PADI2: variants seen among roughly 807,000 people sequenced by gnomAD.
PADI2 encodes peptidyl arginine deiminase 2.
Under a neutral mutation model 81.1 loss-of-function variants are expected in PADI2, and 70 were observed. The ratio of observed to expected loss-of-function variants is 0.86; its 90% CI spans 0.71 to 1.05. PADI2 has a LOEUF of 1.05. Among genes scored for constraint, PADI2 ranks in the 50% least tolerant of loss-of-function variants. The pLI is 0.00. For missense variants in PADI2, 853 were observed against 889.9 expected (o/e 0.96, Z 0.53); for synonymous variants, 338 against 358.0 (o/e 0.94, Z 0.63).
rs764725762 is a variant in PADI2 at position 17,092,474 on chromosome 1, C to T, written c.589G>A (p.Gly197Arg). ...GAAATGTACAGAACTATCTCGTATCCGGCGGGGAGGCGGTCGGGGCCTTTG... is the reference window on the plus strand; with the variant it reads ...GAAATGTACAGAACTATCTCGTATCTGGCGGGGAGGCGGTCGGGGCCTTTG... ...RTKGPDRLPA[G>R]YEIVLYISMS... The change falls in exon 6 of 16, where the codon GGA becomes AGA. Residue 197 changes from glycine (G) to arginine (R), a missense_variant. By Grantham distance (125) the Gly-to-Arg change is moderately radical (BLOSUM62 -2). Coordinates refer to ENST00000375486, the MANE Select transcript of PADI2 (RefSeq NM_007365.3). The T allele has an allele frequency of 1.3e-5, 21 of 1,604,630 alleles. No homozygotes were observed. Among genetic ancestry groups the T allele is most frequent in the East Asian group, 2.3e-5 (1 of 44,304 alleles).
At chr1:17,082,049 G>T (rs577062708) in intron 10 of PADI2, among the ~76,000 whole-genome samples, 8 of 152,254 alleles carry the variant, frequency 5.3e-5, no homozygotes, top group African/African-American at 1.9e-4. Context: ...GGAGATGGAA[G>T]TTGCAGTGAG....
intron 3 of PADI2, among the ~76,000 whole-genome samples, chr1:17,100,441 T>C (rs1028258859): frequency 2.8e-5 from 4 of 145,434 alleles, no homozygotes; most frequent in Non-Finnish European, 4.6e-5. Flanking sequence ...TCCACCACCA[T>C]GCCCGGCTAG....
chr1:17,080,906 G>A (rs2078339325), intron 10 of PADI2, among the ~76,000 whole-genome samples: 1 of 152,242 alleles, frequency 6.6e-6, no homozygotes, highest in South Asian at 2.1e-4. Context: ...AGCCCATGGG[G>A]TAGATGGCAG....
At position 17,114,200 on chromosome 1, in the gene PADI2, G is replaced by A. The variant is rs940434578; in HGVS notation, c.92+5080C>T. Among the ~76,000 whole-genome samples the A allele has an allele frequency of 4.6e-5, 7 of 152,226 alleles. No homozygotes were observed. The East Asian group carries it at 9.6e-4, about 21-fold the overall frequency. On this transcript the variant is annotated intron_variant, in intron 1 of 15. Transcript: ENST00000375486. Reference sequence around the variant, plus strand: ...TTGACCTTCCACAGGCCCATCCAACGGTGCCTGTCCCTTGAGGCTGGGGGT... The same window carrying A: ...TTGACCTTCCACAGGCCCATCCAACAGTGCCTGTCCCTTGAGGCTGGGGGT...
chr1:17,082,584 T>C lies in PADI2; in HGVS notation c.1119A>G (p.Arg373=), dbSNP rs754585392. ...CAGGGAAGTCCTTTAGGTTTCCATC[T>C]CGGGGAGAGTCCAGCACCACGGGGA... ...KGFPVVLDSP[R]DGNLKDFPVK... The change falls in exon 10 of 16, where the codon CGA becomes CGG. Residue 373 remains arginine, a synonymous_variant. Coordinates refer to ENST00000375486, the MANE Select transcript of PADI2 (RefSeq NM_007365.3). 6.2e-7 allele frequency: 1 copy of C among 1,613,690 alleles called. No individual in the cohort carries two copies. The highest frequency in any genetic ancestry group is 8.5e-7 in the Non-Finnish European group (1 of 1,179,782).
chr1:17,083,092 T>G (rs2078357608), intron 9 of PADI2: 1 of 158,480 alleles, frequency 6.3e-6, no homozygotes, highest in Non-Finnish European at 1.4e-5. Flanking sequence ...AAGCATGTCT[T>G]GAATTCCTGT....
rs1246364970 is a variant in PADI2 at position 17,068,802 on chromosome 1, G to A, written c.*242C>T. 2.5e-5 allele frequency: 14 copies of A among 565,328 alleles called. No individual in the cohort carries two copies. Among genetic ancestry groups the A allele is most frequent in the Non-Finnish European group, 3.8e-5 (12 of 315,324 alleles). 35.0% of individuals were successfully genotyped at this position (565,328 alleles called of 1,614,324 possible). A position where few individuals can be genotyped will look rare whatever the true frequency, so the allele number is the denominator to read the frequency against. On this transcript the variant is annotated 3_prime_UTR_variant, in exon 16 of 16. Coordinates refer to ENST00000375486, the MANE Select transcript of PADI2 (RefSeq NM_007365.3). Reference sequence around the variant, plus strand: ...GTTGTGTTCTGTTCCTTATGTCAGGGCTACAGAGACACTGGCCCAGCTATT... The same window carrying A: ...GTTGTGTTCTGTTCCTTATGTCAGGACTACAGAGACACTGGCCCAGCTATT...
intron 6 of PADI2, among the ~76,000 whole-genome samples, chr1:17,088,885 C>A (rs574233668): frequency 1.6e-5 from 2 of 121,254 alleles, no homozygotes; most frequent in African/African-American, 6.7e-5. Context: ...CCAGCCTGGG[C>A]GACAGAGCGA....
intron 7 of PADI2, among the ~76,000 whole-genome samples, chr1:17,085,670 T>C (rs2078379362): frequency 6.6e-6 from 1 of 152,194 alleles, no homozygotes. Context: ...TTCATTTGCC[T>C]AGTGTCTCGT....
intron 5 of PADI2, 130 bp from the exon 6 acceptor site, chr1:17,092,663 A>C: frequency 6.1e-6 from 5 of 824,870 alleles, no homozygotes; most frequent in Non-Finnish European, 8.9e-6. Flanking sequence ...GAAAAGCATA[A>C]AGAGGCTGGG....
At chr1:17,073,802 G>A (rs922576037) in intron 13 of PADI2, among the ~76,000 whole-genome samples, 16 of 152,170 alleles carry the variant, frequency 1.1e-4, no homozygotes, top group Non-Finnish European at 2.4e-4. Context: ...TTGGCATGGT[G>A]TCTCTAACCT....
At chr1:17,099,307 G>A (rs777736894) in intron 3 of PADI2, among the ~76,000 whole-genome samples, 1 of 152,124 alleles carries the variant, frequency 6.6e-6, no homozygotes, top group Non-Finnish European at 1.5e-5. Flanking sequence ...AAGCCCCTTA[G>A]GTTGATGTTA....
intron 3 of PADI2, among the ~76,000 whole-genome samples, chr1:17,100,130 C>T (rs566843474): frequency 1.3e-5 from 2 of 152,060 alleles, no homozygotes; most frequent in Non-Finnish European, 2.9e-5. Context: ...GGCAGATGCT[C>T]GAGAAAAGAG....
chr1:17,075,789 C>T lies in PADI2; in HGVS notation c.1345G>A (p.Asp449Asn). 2 of 1,613,982 alleles carry T rather than the reference C, an allele frequency of 1.2e-6. No individual in the cohort carries two copies. Among genetic ancestry groups the T allele is most frequent in the Non-Finnish European group, 1.7e-6 (2 of 1,179,950 alleles). ...TGCACCTGCTGGGCCTTCAGGAAGT[C>T]ACGCACCACCTTGGTCATCCTCCGA... ...GGRRMTKVVR[D>N]FLKAQQVQAP... The change falls in exon 12 of 16, where the codon GAC (aspartate) becomes AAC (asparagine). Residue 449 changes from aspartate (D) to asparagine (N), a missense_variant. Physicochemically the swap from Asp to Asn is conservative, Grantham distance 23. Coordinates refer to ENST00000375486, the MANE Select transcript of PADI2 (RefSeq NM_007365.3).
chr1:17,116,896 A>G (rs745446812), intron 1 of PADI2, among the ~76,000 whole-genome samples: 1 of 152,174 alleles, frequency 6.6e-6, no homozygotes, highest in African/African-American at 2.4e-5. Context: ...TAGCAGTAAC[A>G]ACTCAAGCTC....
At position 17,075,811 on chromosome 1, in the gene PADI2, C is replaced by G; in HGVS notation, c.1323G>C (p.Arg441=). The change falls in exon 12 of 16, where the codon CGG becomes CGC. Residue 441 remains arginine (R), a synonymous_variant. Coordinates refer to ENST00000375486, the MANE Select transcript of PADI2 (RefSeq NM_007365.3). ...IGSSFPLSGG[R]RMTKVVRDFL... ...AGTCACGCACCACCTTGGTCATCCT[C>G]CGACCACCAGACCTGGAGAAGGGAG... The G allele has an allele frequency of 6.2e-7, 1 of 1,613,880 alleles. No individual in the cohort carries two copies. The highest frequency in any genetic ancestry group is 1.1e-5 in the South Asian group (1 of 91,052).
chr1:17,092,364 G>C (rs1350708796), intron 6 of PADI2, 44 bp downstream of exon 6: 1 of 1,526,928 alleles, frequency 6.5e-7, no homozygotes, highest in African/African-American at 1.4e-5. Flanking sequence ...GAGGAGGGTA[G>C]GTGGCTAGAA....
At chr1:17,089,574 C>T (rs1380492254) in intron 6 of PADI2, among the ~76,000 whole-genome samples, 1 of 152,164 alleles carries the variant, frequency 6.6e-6, no homozygotes, top group Non-Finnish European at 1.5e-5. Context: ...GCAGCTTTCT[C>T]CCTCCCGATG....
intron 1 of PADI2, among the ~76,000 whole-genome samples, chr1:17,111,968 G>C (rs115621730): frequency 2.2e-4 from 33 of 152,224 alleles, no homozygotes; most frequent in African/African-American, 7.7e-4. Context: ...TTAGATAATG[G>C]TGAGGAGCTG....
Sources: gnomAD v4.1 joint callset for allele counts (sites outside exome capture counted in the v4.1 genomes callset) on GRCh38, gnomAD v4.1.1 for gene constraint, MANE v1.5 for transcripts, NCBI Gene and HGNC (gene_info 2026-07-23, HGNC 2026-07-21) for gene names.